ENOX1: variants seen among roughly 807,000 people sequenced by gnomAD.
ENOX1 encodes ecto-NOX disulfide-thiol exchanger 1.
In ENOX1, 42 loss-of-function variants were observed where a neutral mutation model predicts 82.5. The observed-to-expected ratio is 0.51, with a 90% confidence interval of 0.40 to 0.66. The LOEUF is 0.66. ENOX1 is among the 30% of genes least tolerant of loss of function. ENOX1 has a pLI of 0.00. For missense variants in ENOX1, 608 were observed against 811.6 expected (o/e 0.75, Z 3.05); for synonymous variants, 271 against 282.2 (o/e 0.96, Z 0.40).
At chr13:43,471,704 G>A (rs1012990602) in intron 3 of ENOX1, among the ~76,000 whole-genome samples, 3 of 151,822 alleles carry the variant, frequency 2.0e-5, no homozygotes, top group Non-Finnish European at 4.4e-5. Flanking sequence ...CAGCTACTCA[G>A]GAAGCTGAGG....
intron 1 of ENOX1, among the ~76,000 whole-genome samples, chr13:43,686,722 G>A (rs1274301174): frequency 6.6e-6 from 1 of 152,192 alleles, no homozygotes; most frequent in Non-Finnish European, 1.5e-5. Context: ...TTTTCCTCCT[G>A]TGTCTCCTTG....
At chr13:43,280,678 T>C (rs970620201) in intron 12 of ENOX1, among the ~76,000 whole-genome samples, 3 of 152,244 alleles carry the variant, frequency 2.0e-5, no homozygotes, top group Non-Finnish European at 2.9e-5. Context: ...ATCACCTATA[T>C]TACTTAACTC....
At chr13:43,553,850 C>T (rs944035242) in intron 2 of ENOX1, among the ~76,000 whole-genome samples, 1 of 152,178 alleles carries the variant, frequency 6.6e-6, no homozygotes, top group Non-Finnish European at 1.5e-5. Context: ...CAGGTTCAAG[C>T]GATTCTCCTG....
At chr13:43,302,875 G>A (rs1418884507) in intron 11 of ENOX1, among the ~76,000 whole-genome samples, 2 of 152,216 alleles carry the variant, frequency 1.3e-5, no homozygotes, top group Non-Finnish European at 2.9e-5. Context: ...TATGAAAAAT[G>A]TAAGTTGTTT....
At chr13:43,395,151 C>T (rs913784869) in intron 5 of ENOX1, among the ~76,000 whole-genome samples, 2 of 152,236 alleles carry the variant, frequency 1.3e-5, no homozygotes, top group Non-Finnish European at 2.9e-5. Flanking sequence ...GGACTAGCAA[C>T]ATCTGCCATG....
At chr13:43,575,415 T>C (rs1468162433) in intron 2 of ENOX1, among the ~76,000 whole-genome samples, 2 of 152,148 alleles carry the variant, frequency 1.3e-5, no homozygotes, top group African/African-American at 2.4e-5. Flanking sequence ...CTACTACTAC[T>C]TTCTCTATTC....
intron 11 of ENOX1, among the ~76,000 whole-genome samples, chr13:43,311,689 C>A (rs6561118): frequency 6.6e-6 from 1 of 152,218 alleles, no homozygotes; most frequent in African/African-American, 2.4e-5. Context: ...CTTTCAGATC[C>A]AAGTCAGTGT....
intron 11 of ENOX1, among the ~76,000 whole-genome samples, chr13:43,303,643 C>G (rs547610739): frequency 2.0e-5 from 3 of 152,136 alleles, no homozygotes; most frequent in Non-Finnish European, 4.4e-5. Context: ...CCCAGAATAT[C>G]TGCCTTGGAC....
At chr13:43,415,474 A>C (rs1325288644) in intron 3 of ENOX1, among the ~76,000 whole-genome samples, 3 of 152,006 alleles carry the variant, frequency 2.0e-5, no homozygotes, top group African/African-American at 7.3e-5. Context: ...GCCTTCAAGC[A>C]TCTGTTTAAC....
rs946703364 is a variant in ENOX1 at position 43,585,752 on chromosome 13, T to C, written c.-219+81727A>G. Among the ~76,000 whole-genome samples the C allele has an allele frequency of 2.0e-5, 3 of 152,162 alleles. No homozygotes were observed. In the South Asian group the frequency reaches 6.2e-4, roughly 32 times the overall value. On this transcript the variant is annotated intron_variant, in intron 2 of 16. Coordinates refer to ENST00000690772, the MANE Select transcript of ENOX1 (RefSeq NM_001347969.2). ...GCCACCACGCCCCATTAATTTTTTG[T>C]ATTTTTAGTAGAGACAGGGTTTCAC...
intron 2 of ENOX1, among the ~76,000 whole-genome samples, chr13:43,558,792 G>C (rs1325955152): frequency 6.6e-6 from 1 of 152,098 alleles, no homozygotes; most frequent in Non-Finnish European, 1.5e-5. Flanking sequence ...AAAGCAACTG[G>C]ATTTGTTTTA....
At chr13:43,311,362 G>C (rs1387007129) in intron 11 of ENOX1, among the ~76,000 whole-genome samples, 3 of 12,706 alleles carry the variant, frequency 2.4e-4, no homozygotes, top group African/African-American at 2.6e-4. Context: ...TAGGTAATAG[G>C]GTTTTTTTTT....
intron 2 of ENOX1, among the ~76,000 whole-genome samples, chr13:43,557,669 A>G (rs1029274374): frequency 6.6e-6 from 1 of 152,138 alleles, no homozygotes; most frequent in African/African-American, 2.4e-5. Context: ...TGTGTGGTGC[A>G]TACCCATAGT....
intron 12 of ENOX1, among the ~76,000 whole-genome samples, chr13:43,275,636 T>C (rs986912978): frequency 2.0e-5 from 3 of 152,094 alleles, no homozygotes; most frequent in Non-Finnish European, 4.4e-5. Flanking sequence ...GTTTCAGGAT[T>C]TCCCCAGTGC....
At chr13:43,260,229 G>A (rs1477768433) in intron 14 of ENOX1, among the ~76,000 whole-genome samples, 1 of 152,208 alleles carries the variant, frequency 6.6e-6, no homozygotes, top group Non-Finnish European at 1.5e-5. Context: ...AGACAGCTCT[G>A]AGGATTTACT....
At chr13:43,777,447 G>T (rs577829923) in intron 1 of ENOX1, among the ~76,000 whole-genome samples, 2 of 152,140 alleles carry the variant, frequency 1.3e-5, no homozygotes, top group South Asian at 2.1e-4. Context: ...TTGATGGATT[G>T]TATCAATATC....
chr13:43,240,188 C>T (rs1258355607), intron 14 of ENOX1, among the ~76,000 whole-genome samples: 1 of 152,180 alleles, frequency 6.6e-6, no homozygotes, highest in Admixed American at 6.5e-5. Flanking sequence ...TTACTTTCAG[C>T]CACCAAATAA....
intron 2 of ENOX1, among the ~76,000 whole-genome samples, chr13:43,524,254 C>G (rs947814483): frequency 1.3e-5 from 2 of 152,148 alleles, no homozygotes; most frequent in African/African-American, 4.8e-5. Flanking sequence ...CAGACACTCA[C>G]ATTTCTTAGC....
chr13:43,469,942 A>T (rs1229270736), intron 3 of ENOX1, among the ~76,000 whole-genome samples: 1 of 151,898 alleles, frequency 6.6e-6, no homozygotes, highest in Non-Finnish European at 1.5e-5. Flanking sequence ...AACCAATGGA[A>T]CAGAGCAGAG....
Sources: gnomAD v4.1 joint callset for allele counts (sites outside exome capture counted in the v4.1 genomes callset) on GRCh38, gnomAD v4.1.1 for gene constraint, MANE v1.5 for transcripts, NCBI Gene and HGNC (gene_info 2026-07-23, HGNC 2026-07-21) for gene names.